Variants in CDH12 observed in about 807,000 individuals in gnomAD.
CDH12 encodes the protein cadherin 12.
CDH12 carries 41 observed loss-of-function variants against 74.1 expected under a neutral mutation model. The observed-to-expected ratio is 0.55, with a 90% CI of 0.43 to 0.72. The LOEUF (loss-of-function observed/expected upper bound fraction) is 0.72, where lower values mean the gene tolerates loss of function less well. CDH12 is among the 30% of genes least tolerant of loss of function. The probability of loss-of-function intolerance (pLI) is 0.00; values close to 1 mark genes in which losing one functional copy is unlikely to be tolerated. For synonymous variants in CDH12, 399 were observed against 355.0 expected (o/e 1.12, Z -1.39); for missense variants, 945 against 977.2 (o/e 0.97, Z 0.44).
chr5:22,131,430 G>C (rs1046926444), intron 4 of CDH12, among the ~76,000 whole-genome samples: 3 of 152,114 alleles, frequency 2.0e-5, no homozygotes, highest in African/African-American at 7.2e-5. Context: ...GCTGGGATAA[G>C]ATAGATTGAT....
intron 1 of CDH12, among the ~76,000 whole-genome samples, chr5:22,704,097 T>C (rs73742178): frequency 0.024 from 3,697 of 152,288 alleles, 116 homozygotes; most frequent in African/African-American, 0.076. Context: ...ATTTGATGTT[T>C]ACATTATTTT....
At chr5:22,809,736 A>G (rs1240428620) in intron 1 of CDH12, among the ~76,000 whole-genome samples, 7 of 152,214 alleles carry the variant, frequency 4.6e-5, no homozygotes, top group African/African-American at 1.7e-4. Flanking sequence ...TGATACTGGA[A>G]AAAAACAAAA....
intron 4 of CDH12, among the ~76,000 whole-genome samples, chr5:22,089,380 G>A (rs921707401): frequency 6.6e-6 from 1 of 152,130 alleles, no homozygotes; most frequent in Admixed American, 6.5e-5. Context: ...AGAGAAACTA[G>A]TTATTGAAGG....
At chr5:22,144,506 T>G (rs1443101257) in intron 4 of CDH12, among the ~76,000 whole-genome samples, 3 of 152,178 alleles carry the variant, frequency 2.0e-5, no homozygotes, top group Non-Finnish European at 4.4e-5. Context: ...GGCCTCCTGG[T>G]CAATGCCTCA....
intron 4 of CDH12, among the ~76,000 whole-genome samples, chr5:22,138,843 G>GTTT (rs1226267502): frequency 2.3e-5 from 1 of 43,682 alleles, no homozygotes; most frequent in Non-Finnish European, 5.0e-5. Flanking sequence ...ACATATATAC[G>GTTT]TAATATATAT....
intron 4 of CDH12, among the ~76,000 whole-genome samples, chr5:22,096,776 G>C (rs543803424): frequency 9.2e-5 from 14 of 152,180 alleles, no homozygotes; most frequent in African/African-American, 3.1e-4. Flanking sequence ...CCCTTTAGCA[G>C]CAACCCTGAG....
intron 1 of CDH12, among the ~76,000 whole-genome samples, chr5:22,536,097 T>A (rs1737831183): frequency 6.6e-6 from 1 of 152,234 alleles, no homozygotes; most frequent in Non-Finnish European, 1.5e-5. Flanking sequence ...TCTTTGGGTT[T>A]TGGTATTTGA....
intron 3 of CDH12, among the ~76,000 whole-genome samples, chr5:22,382,702 C>T (rs554937742): frequency 6.6e-6 from 1 of 152,048 alleles, no homozygotes; most frequent in African/African-American, 2.4e-5. Flanking sequence ...CGGAAGCATC[C>T]CTTTATTTGT....
intron 1 of CDH12, among the ~76,000 whole-genome samples, chr5:22,626,459 C>CACAT (rs1007572698): frequency 6.6e-6 from 1 of 152,138 alleles, no homozygotes; most frequent in African/African-American, 2.4e-5. Context: ...AGTGATAGAG[C>CACAT]ACATAGCCCA....
chr5:21,755,736 G>C lies in CDH12; in HGVS notation c.1740C>G (p.Ser580Arg). 1.2e-6 allele frequency: 2 copies of C among 1,614,076 alleles called. No homozygotes were observed. The highest frequency in any genetic ancestry group is 1.7e-6 in the Non-Finnish European group (2 of 1,179,970). Residue 580 changes from serine (S) to arginine (R), a missense_variant, in exon 14 of 15, where the codon AGC (serine) becomes AGG (arginine). Physicochemically the swap from Ser to Arg is moderately radical, Grantham distance 110. Transcript: ENST00000382254. ...CTCGAATAGTCATTGTGTTTGTGCT[G>C]CTCTGGACAGGGTAGCTGCTGTCTT... ...VIEDSSYPVQSSTNTMTIRVC... is the reference protein window; with the variant it reads ...VIEDSSYPVQRSTNTMTIRVC...
Position 22,051,398 on chromosome 5 carries a change from A to G in CDH12, c.231+27048T>C, listed in dbSNP as rs189096168. Among the ~76,000 whole-genome samples the G allele has an allele frequency of 8.5e-5, 13 of 152,318 alleles. No homozygotes were observed. The East Asian group carries it at 2.5e-3, about 29-fold the overall frequency. Reference sequence around the variant, plus strand: ...AAATAAAATATGATATTTTAATTCTATACATAATTTTTAACATATGTAACA... The same window carrying G: ...AAATAAAATATGATATTTTAATTCTGTACATAATTTTTAACATATGTAACA... On this transcript the variant is annotated intron_variant, in intron 5 of 14. Coordinates refer to ENST00000382254, the MANE Select transcript of CDH12 (RefSeq NM_004061.5).
intron 4 of CDH12, among the ~76,000 whole-genome samples, chr5:22,168,340 G>A (rs1348412488): frequency 3.3e-5 from 5 of 151,936 alleles, no homozygotes; most frequent in Admixed American, 2.0e-4. Flanking sequence ...ACTGTCCATT[G>A]TTCTGAATTT....
At chr5:22,499,102 AG>A (rs1747231873) in intron 2 of CDH12, among the ~76,000 whole-genome samples, 2 of 150,808 alleles carry the variant, frequency 1.3e-5, no homozygotes, top group East Asian at 3.9e-4. Context: ...TAGTAGGGAC[AG>A]GGTTTCACCA....
rs6451993 is a variant in CDH12, at chr5:21,751,947, A to G, written c.2175T>C (p.Asp725=). ...CGTATGGTGGGGCAGTTGGATCCAC[A>G]TCATTTTCCTGTAGCCTTTGATGAA... The part of the protein sequence containing the change: ...DFIHQRLQEN[D]VDPTAPPYDS... Residue 725 remains aspartate (D), a synonymous_variant, in exon 15 of 15, where the codon GAT becomes GAC. Transcript: ENST00000382254. 1,130,159 of 1,612,814 alleles carry G rather than the reference A, an allele frequency of 0.7. 402,057 individuals carry two copies. The highest frequency in any genetic ancestry group is 0.73 in the Non-Finnish European group (865,764 of 1,179,392).
intron 3 of CDH12, among the ~76,000 whole-genome samples, chr5:22,292,068 T>G (rs1240493540): frequency 1.3e-5 from 2 of 152,154 alleles, no homozygotes; most frequent in Non-Finnish European, 2.9e-5. Flanking sequence ...TACAGCCAAC[T>G]GATTTTCAAC....
At chr5:22,260,584 G>T (rs1215556399) in intron 3 of CDH12, among the ~76,000 whole-genome samples, 1 of 151,900 alleles carries the variant, frequency 6.6e-6, no homozygotes, top group Non-Finnish European at 1.5e-5. Context: ...AATTTTCCTC[G>T]TTCTCTTTAG....
intron 6 of CDH12, among the ~76,000 whole-genome samples, chr5:21,874,225 T>A (rs555396808): frequency 6.6e-6 from 1 of 152,072 alleles, no homozygotes; most frequent in African/African-American, 2.4e-5. Flanking sequence ...AACAGACACT[T>A]CTCAAAAGAA....
chr5:22,478,888 TAAAG>T (rs942423326), intron 2 of CDH12, among the ~76,000 whole-genome samples: 7 of 152,294 alleles, frequency 4.6e-5, no homozygotes, highest in Admixed American at 2.6e-4. Flanking sequence ...CTAGTGTAAT[TAAAG>T]AACGAAATGG....
chr5:22,798,349 C>T (rs78704493), intron 1 of CDH12, among the ~76,000 whole-genome samples: 2,003 of 152,098 alleles, frequency 0.013, 40 homozygotes, highest in African/African-American at 0.044. Flanking sequence ...ATGAACTTAC[C>T]GGACTGCTTA....
Sources: gnomAD v4.1 joint callset for allele counts (sites outside exome capture counted in the v4.1 genomes callset) on GRCh38, gnomAD v4.1.1 for gene constraint, MANE v1.5 for transcripts, NCBI Gene and HGNC (gene_info 2026-07-23, HGNC 2026-07-21) for gene names.